TMEM53: variants seen among roughly 807,000 people sequenced by gnomAD.
TMEM53 encodes novel DUF829 domain-containing protein.
In TMEM53, 14 loss-of-function variants were observed where a neutral mutation model predicts 21.4. The ratio of observed to expected loss-of-function variants is 0.65; its 90% CI spans 0.43 to 1.02. TMEM53 has a LOEUF of 1.02. Ranked by LOEUF, TMEM53 falls within the 50% of genes least tolerant of loss-of-function variation. The probability of loss-of-function intolerance (pLI) is 0.00; values close to 1 mark genes in which losing one functional copy is unlikely to be tolerated. For synonymous variants in TMEM53, 148 were observed against 157.4 expected, an observed-to-expected ratio of 0.94 and a Z score of 0.45; for missense variants, 323 against 383.6, an observed-to-expected ratio of 0.84 and a Z score of 1.32.
rs79498143 is a variant in TMEM53 at position 44,655,213 on chromosome 1, G to A, written c.184-4C>T. 4.2e-4 allele frequency: 668 copies of A among 1,593,530 alleles called. 3 individuals are homozygous for A. In the East Asian group the frequency reaches 0.013, roughly 31 times the overall value. On this transcript the variant is annotated splice_region_variant and splice_polypyrimidine_tract_variant and intron_variant, in intron 2 of 2. Coordinates refer to ENST00000372237, the MANE Select transcript of TMEM53 (RefSeq NM_024587.4). The surrounding 1 kb of genome is among the most constrained non-coding windows in gnomAD (Gnocchi z 4.4). ...TGTATCGGATTACGATGCAGCCCTG[G>A]GGAGAGAGGCCTGGTCAGTCCTCAC...
At position 44,654,483 on chromosome 1, in the gene TMEM53, G is replaced by T; in HGVS notation, c.*76C>A. On this transcript the variant is annotated 3_prime_UTR_variant, in exon 3 of 3. Transcript: ENST00000372237. The surrounding 1 kb of genome is among the most constrained non-coding windows in gnomAD (Gnocchi z 7.0). ...GGCTACAGGGAGTTGAACGAGAAGA[G>T]TGCCCGACAGATTGCAGGTTGTGGG... 6.6e-7 allele frequency: 1 copy of T among 1,518,454 alleles called. No homozygotes were observed. Among genetic ancestry groups the T allele is most frequent in the Non-Finnish European group, 8.9e-7 (1 of 1,118,950 alleles). The allele number at this position is 1,518,454 out of a possible 1,614,324, so 94.1% of individuals were successfully genotyped here.
intron 1 of TMEM53, 101 bp from the exon 2 acceptor site, chr1:44,660,396 A>G: frequency 6.8e-7 from 1 of 1,477,498 alleles, no homozygotes; most frequent in Non-Finnish European, 9.1e-7. Context: ...CAGGCAGGGA[A>G]CAACGGGTGC....
rs532496988 is a variant in TMEM53, at chr1:44,655,677, C to T, written c.184-468G>A. Among the ~76,000 whole-genome samples the T allele has an allele frequency of 6.6e-6, 1 of 152,198 alleles. No homozygotes were observed. Among genetic ancestry groups the T allele is most frequent in the South Asian group, 2.1e-4 (1 of 4,826 alleles). On this transcript the variant is annotated intron_variant, in intron 2 of 2. Transcript: ENST00000372237. This position sits in a 1 kb window ranked among gnomAD's most constrained non-coding sequence, Gnocchi z 4.4. Reference sequence around the variant, plus strand: ...CCTACCTCCCAGACAGAAGTAGTACCCCCATGAGACCAGTACCCGAGAGCT... The same window carrying T: ...CCTACCTCCCAGACAGAAGTAGTACTCCCATGAGACCAGTACCCGAGAGCT...
rs541307232 is a variant in TMEM53 at position 44,659,698 on chromosome 1, T to C, written c.183+476A>G. Among the ~76,000 whole-genome samples the C allele has an allele frequency of 4.6e-5, 7 of 152,084 alleles. No individual in the cohort carries two copies. In the South Asian group the frequency reaches 1.5e-3, roughly 32 times the overall value. Reference sequence around the variant, plus strand: ...GGAGCCTGGGCTGACTCTACAACTGTAGGGCACATCAAGGGTGGGCTGCCC... The same window carrying C: ...GGAGCCTGGGCTGACTCTACAACTGCAGGGCACATCAAGGGTGGGCTGCCC... On this transcript the variant is annotated intron_variant, in intron 2 of 2. Transcript: ENST00000372237.
At chr1:44,671,539 A>G (rs972756356) in intron 1 of TMEM53, among the ~76,000 whole-genome samples, 1 of 152,164 alleles carries the variant, frequency 6.6e-6, no homozygotes, top group Non-Finnish European at 1.5e-5. Context: ...CGATAGGAGG[A>G]CTGCTTGAGC....
chr1:44,660,492 T>C (rs1185291484), intron 1 of TMEM53, among the ~76,000 whole-genome samples, 197 bp from the exon 2 acceptor site: 2 of 152,090 alleles, frequency 1.3e-5, no homozygotes, highest in African/African-American at 4.8e-5. Context: ...CACCATGGGG[T>C]CACCGGACAA....
intron 1 of TMEM53, among the ~76,000 whole-genome samples, chr1:44,662,626 T>C (rs1644911975): frequency 6.6e-6 from 1 of 151,856 alleles, no homozygotes; most frequent in Non-Finnish European, 1.5e-5. Flanking sequence ...TCCAAGACCC[T>C]GTTCTGGGAG....
In TMEM53 at chr1:44,653,458, T is replaced by A. The variant is rs543193613; in HGVS notation, c.*1101A>T. ...GGTTCTGGTCTTTAGGGCTTGGGAG[T>A]TAGCTCATCCCAGCTCCTGTTACAA... On this transcript the variant is annotated 3_prime_UTR_variant, in exon 3 of 3. Coordinates refer to ENST00000372237, the MANE Select transcript of TMEM53 (RefSeq NM_024587.4). 1 of 152,170 alleles carries A rather than the reference T, an allele frequency of 6.6e-6. No individual in the cohort carries two copies. Among genetic ancestry groups the A allele is most frequent in the African/African-American group, 2.4e-5 (1 of 41,424 alleles). The allele number at this position is 152,170 out of a possible 1,614,324, so 9.4% of individuals were successfully genotyped here.
At position 44,654,488 on chromosome 1, in the gene TMEM53, C is replaced by G; in HGVS notation, c.*71G>C. The G allele has an allele frequency of 6.5e-7, 1 of 1,533,294 alleles. No individual in the cohort carries two copies. Among genetic ancestry groups the G allele is most frequent in the Non-Finnish European group, 8.8e-7 (1 of 1,130,780 alleles). The allele number at this position is 1,533,294 out of a possible 1,614,324, so 95.0% of individuals were successfully genotyped here. A position where few individuals can be genotyped will look rare whatever the true frequency, so the allele number is the denominator to read the frequency against. On this transcript the variant is annotated 3_prime_UTR_variant, in exon 3 of 3. Transcript: ENST00000372237. The surrounding 1 kb of genome is among the most constrained non-coding windows in gnomAD (Gnocchi z 7.0). ...CAGGGAGTTGAACGAGAAGAGTGCCCGACAGATTGCAGGTTGTGGGGAGGT... is the reference window on the plus strand; with the variant it reads ...CAGGGAGTTGAACGAGAAGAGTGCCGGACAGATTGCAGGTTGTGGGGAGGT...
At chr1:44,667,479 T>C (rs183455246) in intron 1 of TMEM53, among the ~76,000 whole-genome samples, 66 of 152,098 alleles carry the variant, frequency 4.3e-4, no homozygotes, top group Non-Finnish European at 4.4e-4. Context: ...GGCTAATTTT[T>C]GTGGTTTCAG....
intron 1 of TMEM53, among the ~76,000 whole-genome samples, chr1:44,663,848 A>C (rs1644922842): frequency 6.6e-6 from 1 of 152,222 alleles, no homozygotes; most frequent in African/African-American, 2.4e-5. Flanking sequence ...ATGATGTGTC[A>C]GGCACTATTG....
intron 2 of TMEM53, among the ~76,000 whole-genome samples, chr1:44,658,403 C>A (rs1261950681): frequency 1.3e-5 from 2 of 152,110 alleles, no homozygotes; most frequent in Non-Finnish European, 2.9e-5. Flanking sequence ...TACCTCCTGA[C>A]AAACTCCTCA....
intron 1 of TMEM53, among the ~76,000 whole-genome samples, chr1:44,663,714 C>T (rs532635981): frequency 3.3e-4 from 50 of 152,266 alleles, no homozygotes; most frequent in African/African-American, 1.2e-3. Context: ...GCACTGAAAA[C>T]TTTGGCCCCT....
rs777856240 is a variant in TMEM53 at position 44,674,434 on chromosome 1, C to T, written c.-43G>A. On this transcript the variant is annotated 5_prime_UTR_variant, in exon 1 of 3. Coordinates refer to ENST00000372237, the MANE Select transcript of TMEM53 (RefSeq NM_024587.4). ...AGAGCACGGGTCTCCAGCCGGAACTCCCGCTTGCGCACCCGTGCCTCACCC... is the reference window on the plus strand; with the variant it reads ...AGAGCACGGGTCTCCAGCCGGAACTTCCGCTTGCGCACCCGTGCCTCACCC... The T allele has an allele frequency of 6.3e-7, 1 of 1,584,562 alleles. No homozygotes were observed.
At position 44,665,635 on chromosome 1, in the gene TMEM53, C is replaced by CA. The variant is rs60408442; in HGVS notation, c.62-5341dup. The stretch of plus-strand genomic sequence containing the variant: ...GGGCAACAAGAGCGAAACTCCATCT[C>CA]AAAAAAAAAAAAAAAACATGCAATC... On this transcript the variant is annotated intron_variant, in intron 1 of 2. Coordinates refer to ENST00000372237, the MANE Select transcript of TMEM53 (RefSeq NM_024587.4). Among the ~76,000 whole-genome samples, 634 of 76,904 alleles carry CA rather than the reference C, an allele frequency of 8.2e-3. 2 individuals are homozygous for CA. The highest frequency in any genetic ancestry group is 0.02 in the Middle Eastern group (2 of 102). The allele number at this position is 76,904 out of a possible 152,430, so 50.5% of individuals were successfully genotyped here. A position where few individuals can be genotyped will look rare whatever the true frequency, so the allele number is the denominator to read the frequency against.
chr1:44,660,447 A>T, intron 1 of TMEM53, 152 bp from the exon 2 acceptor site: 1 of 1,139,182 alleles, frequency 8.8e-7, no homozygotes, highest in African/African-American at 1.6e-5. Context: ...ACCAGTTCCC[A>T]CCCCGTGCTG....
chr1:44,674,232 A>G, intron 1 of TMEM53, 99 bp downstream of exon 1: 1 of 1,480,800 alleles, frequency 6.8e-7, no homozygotes, highest in Non-Finnish European at 9.0e-7. Context: ...GGCCCGAGGG[A>G]GGGCGGGGCC....
intron 1 of TMEM53, among the ~76,000 whole-genome samples, chr1:44,661,161 G>A (rs1644898778): frequency 6.6e-6 from 1 of 152,108 alleles, no homozygotes; most frequent in Admixed American, 6.6e-5. Context: ...GACTCACAAA[G>A]CCTAAAATAT....
In TMEM53 at chr1:44,655,836, G is replaced by A. The variant is rs1030299732; in HGVS notation, c.184-627C>T. On this transcript the variant is annotated intron_variant, in intron 2 of 2. Coordinates refer to ENST00000372237, the MANE Select transcript of TMEM53 (RefSeq NM_024587.4). The surrounding 1 kb of genome is among the most constrained non-coding windows in gnomAD (Gnocchi z 4.4). ...AGAGTCCATACTCTCTGGACTCAGG[G>A]ACCTGACACTCAAATGTCCCTGGTT... Among the ~76,000 whole-genome samples, 4 of 152,128 alleles carry A rather than the reference G, an allele frequency of 2.6e-5. No homozygotes were observed. The highest frequency in any genetic ancestry group is 9.7e-5 in the African/African-American group (4 of 41,416).
Sources: gnomAD v4.1 joint callset for allele counts (sites outside exome capture counted in the v4.1 genomes callset) on GRCh38, gnomAD v4.1.1 for gene constraint, Gnocchi (gnomAD v3.1) non-coding constraint, MANE v1.5 for transcripts, NCBI Gene and HGNC (gene_info 2026-07-23, HGNC 2026-07-21) for gene names.